BPTF: variants seen among roughly 807,000 people sequenced by gnomAD.
The protein encoded by BPTF is nucleosome-remodeling factor subunit BPTF.
Under a neutral mutation model 292.5 loss-of-function variants are expected in BPTF, and 18 were observed. The ratio of observed to expected loss-of-function variants is 0.06; its 90% CI spans 0.04 to 0.09. The LOEUF is 0.09. Among genes scored for constraint, BPTF ranks in the 10% least tolerant of loss-of-function variants. The pLI, the probability that BPTF is intolerant of heterozygous loss-of-function variation, is 1.00. For synonymous variants in BPTF, 1,225 were observed against 1,251.9 expected (o/e 0.98, Z 0.45); for missense variants, 2,726 against 3,498.7 (o/e 0.78, Z 5.57).
chr17:67,840,965 C>T (rs769468232), intron 1 of BPTF, among the ~76,000 whole-genome samples: 2 of 152,126 alleles, frequency 1.3e-5, no homozygotes, highest in South Asian at 4.1e-4. Flanking sequence ...CAGTGCCTTG[C>T]GTTTCATTCT....
intron 7 of BPTF, among the ~76,000 whole-genome samples, chr17:67,896,770 C>A (rs538529184): frequency 6.6e-6 from 1 of 152,272 alleles, no homozygotes; most frequent in Non-Finnish European, 1.5e-5. Flanking sequence ...GAAAGTACTA[C>A]ATACATTGAA....
chr17:67,882,252 A>T (rs1001205180), intron 4 of BPTF, among the ~76,000 whole-genome samples: 1 of 151,984 alleles, frequency 6.6e-6, no homozygotes. Context: ...ATGGGAAATG[A>T]TATTTAGAGA....
intron 21 of BPTF, among the ~76,000 whole-genome samples, chr17:67,947,481 C>T (rs2065898621): frequency 1.3e-5 from 2 of 152,082 alleles, no homozygotes; most frequent in African/African-American, 4.8e-5. Context: ...AAAATTATTG[C>T]TATGGTTCAG....
chr17:67,858,740 A>G (rs1393475517), intron 2 of BPTF, among the ~76,000 whole-genome samples: 5 of 152,262 alleles, frequency 3.3e-5, no homozygotes, highest in Admixed American at 1.3e-4. Flanking sequence ...GATGGCTGGG[A>G]ACAAATTAGG....
At chr17:67,886,526 T>C (rs1337372287) in intron 4 of BPTF, among the ~76,000 whole-genome samples, 1 of 152,128 alleles carries the variant, frequency 6.6e-6, no homozygotes, top group African/African-American at 2.4e-5. Flanking sequence ...AATGTTTTTG[T>C]TTTCAAAATC....
intron 1 of BPTF, among the ~76,000 whole-genome samples, chr17:67,836,799 C>G (rs994099902): frequency 1.3e-5 from 2 of 152,190 alleles, no homozygotes; most frequent in African/African-American, 4.8e-5. Flanking sequence ...CAGTAAGTTA[C>G]TCATTTCTCC....
chr17:67,842,671 C>A (rs1377604186), intron 1 of BPTF, among the ~76,000 whole-genome samples: 1 of 152,014 alleles, frequency 6.6e-6, no homozygotes, highest in Non-Finnish European at 1.5e-5. Context: ...TAAAACATGT[C>A]TCTATAAAAC....
intron 1 of BPTF, among the ~76,000 whole-genome samples, chr17:67,841,877 T>G (rs1567876204): frequency 1.3e-5 from 2 of 152,126 alleles, no homozygotes; most frequent in African/African-American, 2.4e-5. Flanking sequence ...AGGGGTTTCT[T>G]CTGTTTCTTT....
chr17:67,969,299 C>A (rs1237899707), intron 26 of BPTF, among the ~76,000 whole-genome samples: 1 of 150,004 alleles, frequency 6.7e-6, no homozygotes, highest in Non-Finnish European at 1.5e-5. Flanking sequence ...AAAAAAAATA[C>A]AAAAATTAGC....
chr17:67,980,717 A>C (rs2148688703), intron 27 of BPTF, among the ~76,000 whole-genome samples: 1 of 152,294 alleles, frequency 6.6e-6, no homozygotes, highest in Non-Finnish European at 1.5e-5. Flanking sequence ...ATGGAGGCCT[A>C]GGCTGGGCCT....
chr17:67,855,746 G>A (rs753570009), intron 2 of BPTF, among the ~76,000 whole-genome samples: 110 of 152,306 alleles, frequency 7.2e-4, no homozygotes, highest in Non-Finnish European at 8.7e-4. Flanking sequence ...TTCAGCTTCT[G>A]AAGTCTTCAA....
At position 67,866,100 on chromosome 17, in the gene BPTF, G is replaced by A. The variant is rs1473413671; in HGVS notation, c.1437-364G>A. Among the ~76,000 whole-genome samples the A allele has an allele frequency of 2.6e-5, 4 of 152,084 alleles. No individual in the cohort carries two copies. The East Asian group carries it at 7.7e-4, about 29-fold the overall frequency. ...GGTGCCACTGCACTCTAGCCCGGGC[G>A]ACAGAGTGAGACCCTGTCTCTAAAA... is the stretch of plus-strand genomic sequence containing the variant. On this transcript the variant is annotated intron_variant, in intron 2 of 27. Coordinates refer to ENST00000306378, the MANE Select transcript of BPTF (RefSeq NM_182641.4).
At chr17:67,857,627 C>T (rs760665857) in intron 2 of BPTF, among the ~76,000 whole-genome samples, 10 of 151,576 alleles carry the variant, frequency 6.6e-5, no homozygotes, top group Non-Finnish European at 8.8e-5. Context: ...CTACCATGCC[C>T]GGCTAATTTT....
chr17:67,915,904 G>A (rs774214008), intron 11 of BPTF, among the ~76,000 whole-genome samples: 4 of 152,130 alleles, frequency 2.6e-5, no homozygotes, highest in African/African-American at 4.8e-5. Context: ...CAGACTTACC[G>A]TGCATGTGGT....
Position 67,900,039 on chromosome 17 carries a change from G to A in BPTF, c.2544-3750G>A, listed in dbSNP as rs2061717662. 1.3e-5 allele frequency among the ~76,000 whole-genome samples: 2 copies of A among 152,126 alleles called. 1 individual carries two copies. Among genetic ancestry groups the A allele is most frequent in the African/African-American group, 4.8e-5 (2 of 41,426 alleles). ...TATTTTTGAAAATTTTAATGAAGCA[G>A]AAGATTCCAGGAACAACAACAACAA... On this transcript the variant is annotated intron_variant, in intron 7 of 27. Transcript: ENST00000306378.
chr17:67,856,715 A>G (rs4092834), intron 2 of BPTF, among the ~76,000 whole-genome samples: 5 of 152,026 alleles, frequency 3.3e-5, no homozygotes, highest in Admixed American at 1.3e-4. Flanking sequence ...TTGAAGCATG[A>G]AGGTCTTGCT....
At chr17:67,950,105 G>T (rs8081066) in intron 23 of BPTF, among the ~76,000 whole-genome samples, 129,742 of 146,314 alleles carry the variant, frequency 0.89, 59,720 homozygotes, top group East Asian at 1. Context: ...ATTTTAAGAA[G>T]GTGAGAAATA....
Position 67,983,644 on chromosome 17 carries a change from G to GT in BPTF, c.*1357dup, listed in dbSNP as rs1427018072. 4 of 152,384 alleles carry GT rather than the reference G, an allele frequency of 2.6e-5. No individual in the cohort carries two copies. Among genetic ancestry groups the GT allele is most frequent in the Admixed American group, 6.5e-5 (1 of 15,276 alleles). 9.4% of individuals were successfully genotyped at this position (152,384 alleles called of 1,614,324 possible). On this transcript the variant is annotated 3_prime_UTR_variant, in exon 28 of 28. Coordinates refer to ENST00000306378, the MANE Select transcript of BPTF (RefSeq NM_182641.4). The stretch of plus-strand genomic sequence containing the variant: ...TTTCCTTTCAGTGTTCTTACACGTT[G>GT]TATCACTGCATTGTGGTAATAGCTT...
intron 1 of BPTF, among the ~76,000 whole-genome samples, chr17:67,832,351 G>A (rs944429961): frequency 2.6e-5 from 4 of 151,474 alleles, no homozygotes; most frequent in African/African-American, 7.3e-5. Flanking sequence ...TAATTATAAT[G>A]TTTTAATTGT....
Sources: allele counts gnomAD v4.1 joint callset (sites outside exome capture counted in the v4.1 genomes callset), GRCh38; gene constraint gnomAD v4.1.1; transcripts MANE v1.5; gene names NCBI Gene and HGNC (gene_info 2026-07-23, HGNC 2026-07-21).